Variants in ZW10 observed in about 807,000 individuals in gnomAD.
ZW10 encodes zw10 kinetochore protein.
A neutral mutation model predicts 87.8 loss-of-function variants in ZW10; 53 were observed. The observed-to-expected ratio is 0.60, with a 90% CI of 0.48 to 0.76. The LOEUF is 0.76. Among genes scored for constraint, ZW10 ranks in the 30% least tolerant of loss-of-function variants. The probability of loss-of-function intolerance (pLI) is 0.00; values close to 1 mark genes in which losing one functional copy is unlikely to be tolerated. For synonymous variants in ZW10, 312 were observed against 329.2 expected, an observed-to-expected ratio of 0.95 and a Z score of 0.57; for missense variants, 837 against 923.0, an observed-to-expected ratio of 0.91 and a Z score of 1.21.
chr11:113,767,034 G>C (rs924327310), intron 2 of ZW10, among the ~76,000 whole-genome samples: 1 of 151,940 alleles, frequency 6.6e-6, no homozygotes, highest in Non-Finnish European at 1.5e-5. Context: ...TTTTTTTAAA[G>C]AATCCATGAA....
intron 7 of ZW10, among the ~76,000 whole-genome samples, chr11:113,749,091 A>T (rs1309831486): frequency 1.3e-5 from 2 of 152,172 alleles, no homozygotes; most frequent in Non-Finnish European, 2.9e-5. Flanking sequence ...ACAGTGACAA[A>T]GCCATTCAGG....
At chr11:113,741,502 A>C (rs544409270) in intron 11 of ZW10, among the ~76,000 whole-genome samples, 192 bp downstream of exon 11, 4 of 152,360 alleles carry the variant, frequency 2.6e-5, no homozygotes, top group African/African-American at 9.6e-5. Context: ...GCAAGATTAT[A>C]ATACCCTAAT....
Position 113,758,726 on chromosome 11 carries a change from A to G in ZW10, c.581-20T>C. On this transcript the variant is annotated intron_variant, in intron 5 of 15. Coordinates refer to ENST00000200135, the MANE Select transcript of ZW10 (RefSeq NM_004724.4). ...TGGTATCTAAGAAAAAGGAAGAAAA[A>G]TATCAGCTGTCTCACCAATATGAGA... The G allele has an allele frequency of 1.9e-6, 3 of 1,613,090 alleles. No individual in the cohort carries two copies. The highest frequency in any genetic ancestry group is 1.7e-6 in the Non-Finnish European group (2 of 1,179,330).
chr11:113,747,456 T>A (rs1030404245), intron 9 of ZW10, 75 bp downstream of exon 9: 6 of 1,323,746 alleles, frequency 4.5e-6, no homozygotes, highest in Non-Finnish European at 6.3e-6. Context: ...CTCTTCCACT[T>A]TACTATATGC....
rs760656763 is a variant in ZW10, at chr11:113,743,941, C to A, written c.1372G>T (p.Val458Leu). The A allele has an allele frequency of 6.2e-7, 1 of 1,614,196 alleles. No homozygotes were observed. The highest frequency in any genetic ancestry group is 2.2e-5 in the East Asian group (1 of 44,878). The change falls in exon 10 of 16, where the codon GTG becomes TTG. Residue 458 changes from valine to leucine, a missense_variant. By Grantham distance (32) the Val-to-Leu change is conservative (BLOSUM62 1). Coordinates refer to ENST00000200135, the MANE Select transcript of ZW10 (RefSeq NM_004724.4). ...QKVSNTQYHEVMNLEPENTLD... is the reference protein window; with the variant it reads ...QKVSNTQYHELMNLEPENTLD... ...GTATTTTCAGGCTCTAAATTCATCA[C>A]TTCGTGGTACTGAGTATTGGATACT...
chr11:113,751,379 C>A (rs576247609), intron 7 of ZW10: 306 of 153,960 alleles, frequency 2.0e-3, no homozygotes, highest in Non-Finnish European at 3.8e-3. Context: ...AAGGGACTTC[C>A]AAATTTGCAA....
At chr11:113,757,341 A>G (rs1488882126) in intron 7 of ZW10, among the ~76,000 whole-genome samples, 2 of 152,232 alleles carry the variant, frequency 1.3e-5, no homozygotes, top group East Asian at 1.9e-4. Flanking sequence ...TTCTTCTCCT[A>G]TAATTAAAGC....
intron 2 of ZW10, among the ~76,000 whole-genome samples, chr11:113,768,174 A>C (rs950673595): frequency 6.6e-6 from 1 of 152,190 alleles, no homozygotes; most frequent in Admixed American, 6.5e-5. Flanking sequence ...CTATTGAAAA[A>C]ATTCTCTATT....
chr11:113,757,650 G>A lies in ZW10; in HGVS notation c.925+12C>T, dbSNP rs989940496. 2.0e-6 allele frequency: 3 copies of A among 1,475,926 alleles called. No homozygotes were observed. The African/African-American group carries it at 4.3e-5, about 21-fold the overall frequency. The allele number at this position is 1,475,926 out of a possible 1,614,324, so 91.4% of individuals were successfully genotyped here. ...TTCCAAAATATAAAAGCACTGCCTT[G>A]GAGACACATACCTAGAAGCTGTTTC... On this transcript the variant is annotated intron_variant, in intron 7 of 15. Transcript: ENST00000200135.
rs1217135764 is a variant in ZW10 at position 113,736,712 on chromosome 11, A to G, written c.2127T>C (p.Tyr709=). ...GCACATAGACTGGAACCTCTTCTTG[A>G]TATTTCTTGTTCTTGCTTTCTTCAG... ...PLSEESKNKK[Y]QEEVPVYVPK... is the part of the protein sequence containing the mutation. Residue 709 remains tyrosine (Y), a synonymous_variant, in exon 15 of 16, where the codon TAT becomes TAC. Coordinates refer to ENST00000200135, the MANE Select transcript of ZW10 (RefSeq NM_004724.4). 2 of 1,614,032 alleles carry G rather than the reference A, an allele frequency of 1.2e-6. No individual in the cohort carries two copies. The highest frequency in any genetic ancestry group is 1.3e-5 in the African/African-American group (1 of 74,904).
intron 7 of ZW10, chr11:113,751,282 C>G (rs571785294): frequency 3.1e-5 from 9 of 286,542 alleles, no homozygotes; most frequent in East Asian, 2.7e-4. Flanking sequence ...CTGCTGGTGA[C>G]CTATCTTGCT....
chr11:113,745,463 T>G (rs1953668647), intron 9 of ZW10, among the ~76,000 whole-genome samples: 1 of 152,206 alleles, frequency 6.6e-6, no homozygotes, highest in Admixed American at 6.5e-5. Flanking sequence ...CTGTCTAATC[T>G]GTAAAATGGT....
At chr11:113,764,964 A>G (rs2134895604) in intron 2 of ZW10, among the ~76,000 whole-genome samples, 1 of 152,298 alleles carries the variant, frequency 6.6e-6, no homozygotes, top group African/African-American at 2.4e-5. Context: ...GTGGTTTTTA[A>G]CAGGAAGTGA....
At chr11:113,754,401 C>T (rs1012286721) in intron 7 of ZW10, among the ~76,000 whole-genome samples, 4 of 152,040 alleles carry the variant, frequency 2.6e-5, no homozygotes, top group Admixed American at 2.0e-4. Context: ...ACGAGAATCG[C>T]TTGAACCCAG....
intron 2 of ZW10, among the ~76,000 whole-genome samples, chr11:113,766,599 G>T (rs1479107938): frequency 7.0e-6 from 1 of 143,248 alleles, no homozygotes; most frequent in East Asian, 2.1e-4. Context: ...GCCTGAACCC[G>T]GGAGGCAGAG....
chr11:113,748,285 T>C lies in ZW10; in HGVS notation c.1061A>G (p.Asn354Ser), dbSNP rs201319504. The C allele has an allele frequency of 4.1e-4, 659 of 1,613,082 alleles. 7 individuals carry two copies. The South Asian group carries it at 7.0e-3, about 17-fold the overall frequency. Residue 354 changes from asparagine (N) to serine (S), a missense_variant, in exon 8 of 16, where the codon AAT becomes AGT. Physicochemically the swap from Asn to Ser is conservative, Grantham distance 46 (BLOSUM62 1). Transcript: ENST00000200135. ...KNCLVYSIPT[N>S]SSKLQQYEEI... ...TTCATATTGCTGTAATTTGCTGCTA[T>C]TTGTTGGAATCGAATAAACCAAACA...
In ZW10 at chr11:113,738,322, T is replaced by C; in HGVS notation, c.1826A>G (p.Asn609Ser). 1 of 1,613,434 alleles carries C rather than the reference T, an allele frequency of 6.2e-7. No homozygotes were observed. Among genetic ancestry groups the C allele is most frequent in the Non-Finnish European group, 8.5e-7 (1 of 1,179,710 alleles). ...ELLERLSSARNFSNMDDEENY... is the reference protein window; with the variant it reads ...ELLERLSSARSFSNMDDEENY... Reference sequence around the variant, plus strand: ...CTCTTCATCGTCCATATTTGAAAAGTTCCTAGCACTTGATAATCTTTCCAG... The same window carrying C: ...CTCTTCATCGTCCATATTTGAAAAGCTCCTAGCACTTGATAATCTTTCCAG... The change falls in exon 13 of 16, where the codon AAC becomes AGC. Residue 609 changes from asparagine (N) to serine (S), a missense_variant. Coordinates refer to ENST00000200135, the MANE Select transcript of ZW10 (RefSeq NM_004724.4).
At chr11:113,758,815 T>C in intron 5 of ZW10, 109 bp from the exon 6 acceptor site, 1 of 1,031,546 alleles carries the variant, frequency 9.7e-7, no homozygotes, top group Non-Finnish European at 1.4e-6. Flanking sequence ...TATTACAATA[T>C]ACTCCTAATG....
intron 7 of ZW10, among the ~76,000 whole-genome samples, chr11:113,756,007 T>C (rs971566774): frequency 1.3e-5 from 2 of 152,116 alleles, no homozygotes; most frequent in Non-Finnish European, 2.9e-5. Flanking sequence ...ATAAAAAAAT[T>C]TGTGGGACTC....
Sources: gnomAD v4.1 joint callset for allele counts (sites outside exome capture counted in the v4.1 genomes callset) on GRCh38, gnomAD v4.1.1 for gene constraint, MANE v1.5 for transcripts, NCBI Gene and HGNC (gene_info 2026-07-23, HGNC 2026-07-21) for gene names.